Variants in FAT3 observed in about 807,000 individuals in gnomAD.
The protein encoded by FAT3 is protocadherin Fat 3.
Under a neutral mutation model 310.2 loss-of-function variants are expected in FAT3, and 95 were observed. That is an observed-to-expected ratio of 0.31 (90% confidence interval 0.26 to 0.36). FAT3 has a LOEUF of 0.36. Among genes scored for constraint, FAT3 ranks in the 10% least tolerant of loss-of-function variants. The pLI, the probability that FAT3 is intolerant of heterozygous loss-of-function variation, is 1.00. For synonymous variants in FAT3, 2,314 were observed against 2,192.9 expected (o/e 1.06, Z -1.54); for missense variants, 5,408 against 5,715.6 (o/e 0.95, Z 1.74).
At chr11:92,293,857 GT>G (rs1946776292) in intron 1 of FAT3, among the ~76,000 whole-genome samples, 1 of 151,954 alleles carries the variant, frequency 6.6e-6, no homozygotes, top group African/African-American at 2.4e-5. Context: ...GAGAAAGGAA[GT>G]TTTATGTTAC....
At chr11:92,535,465 C>T (rs1445214581) in intron 3 of FAT3, among the ~76,000 whole-genome samples, 1 of 150,886 alleles carries the variant, frequency 6.6e-6, no homozygotes, top group Admixed American at 6.7e-5. Flanking sequence ...AGGAAGCTAA[C>T]ATGAGTGCAA....
intron 1 of FAT3, among the ~76,000 whole-genome samples, chr11:92,338,168 G>A (rs1948142809): frequency 6.6e-6 from 1 of 152,148 alleles, no homozygotes; most frequent in African/African-American, 2.4e-5. Context: ...AACATCTGCT[G>A]TGGATGCTCA....
chr11:92,264,670 T>C (rs1945882518), intron 1 of FAT3, among the ~76,000 whole-genome samples: 2 of 152,186 alleles, frequency 1.3e-5, no homozygotes, highest in Admixed American at 6.5e-5. Flanking sequence ...CTTTATGTTT[T>C]CTGACTTCGT....
intron 2 of FAT3, among the ~76,000 whole-genome samples, chr11:92,451,843 G>A (rs1951360349): frequency 6.6e-6 from 1 of 152,146 alleles, no homozygotes; most frequent in African/African-American, 2.4e-5. Flanking sequence ...TAATAATTGT[G>A]TTTGTGCATT....
At position 92,229,509 on chromosome 11, in the gene FAT3, T is replaced by TTTTTTTTTTTTTTTTTTTTTTC. The variant is rs1864075465; in HGVS notation, c.-18+4339_-18+4340insTTTTTTTTTTTTTTTTTCTTTT. On this transcript the variant is annotated intron_variant, in intron 1 of 27. Transcript: ENST00000525166. ...TTTTTCGTGTTTTTTTTTTTTTTGT[T>TTTTTTTTTTTTTTTTTTTTTTC]TTTTGTTTTTTTTTACATTGCCTCC... Among the ~76,000 whole-genome samples the TTTTTTTTTTTTTTTTTTTTTTC allele has an allele frequency of 2.0e-5, 2 of 99,440 alleles. 1 individual carries two copies. The highest frequency in any genetic ancestry group is 4.2e-5 in the Non-Finnish European group (2 of 47,494). 65.2% of individuals were successfully genotyped at this position (99,440 alleles called of 152,430 possible).
chr11:92,852,491 A>G (rs1453604346), intron 19 of FAT3, among the ~76,000 whole-genome samples: 2 of 152,146 alleles, frequency 1.3e-5, no homozygotes, highest in African/African-American at 4.8e-5. Flanking sequence ...GAGCATTTCC[A>G]GGCTGGAACT....
chr11:92,616,555 C>T (rs1442200619), intron 3 of FAT3, among the ~76,000 whole-genome samples: 1 of 152,164 alleles, frequency 6.6e-6, no homozygotes, highest in Admixed American at 6.5e-5. Context: ...TTAGTTGATG[C>T]AGTTTCTTCC....
intron 3 of FAT3, among the ~76,000 whole-genome samples, chr11:92,545,359 A>AT (rs1184745501): frequency 6.6e-6 from 1 of 151,708 alleles, no homozygotes; most frequent in Non-Finnish European, 1.5e-5. Flanking sequence ...TTGATCTTTT[A>AT]TTTTTTCACA....
chr11:92,536,826 A>G (rs1196288554), intron 3 of FAT3, among the ~76,000 whole-genome samples: 3 of 152,132 alleles, frequency 2.0e-5, no homozygotes, highest in South Asian at 2.1e-4. Flanking sequence ...CCCTCTCTCA[A>G]ACTCCTAGAA....
chr11:92,875,906 A>G (rs977699267), intron 22 of FAT3, among the ~76,000 whole-genome samples: 4 of 152,190 alleles, frequency 2.6e-5, no homozygotes, highest in Non-Finnish European at 5.9e-5. Flanking sequence ...CTTATTTTAA[A>G]TTCTGATTTT....
At chr11:92,787,590 T>C (rs763544817) in intron 7 of FAT3, among the ~76,000 whole-genome samples, 1 of 151,692 alleles carries the variant, frequency 6.6e-6, no homozygotes, top group Non-Finnish European at 1.5e-5. Context: ...TAGCACCTGA[T>C]AGAAAGTAGA....
chr11:92,882,623 G>A, intron 23 of FAT3, 115 bp from the exon 24 acceptor site: 8 of 556,438 alleles, frequency 1.4e-5, no homozygotes, highest in Non-Finnish European at 2.2e-5. Context: ...TGCTTCATCT[G>A]TACCCTTTAG....
At position 92,520,145 on chromosome 11, in the gene FAT3, T is replaced by G. The variant is rs116552647; in HGVS notation, c.3293-4489T>G. On this transcript the variant is annotated intron_variant, in intron 2 of 27. Transcript: ENST00000525166. ...ATGCTGTACCGACACAATGGAATAT[T>G]ACTAAGAAATGAAAAGGAATTAACT... Among the ~76,000 whole-genome samples the G allele has an allele frequency of 6.0e-3, 908 of 152,092 alleles. 7 individuals carry two copies. Among genetic ancestry groups the G allele is most frequent in the African/African-American group, 0.021 (880 of 41,548 alleles).
At chr11:92,852,315 C>G (rs1948853241) in intron 19 of FAT3, among the ~76,000 whole-genome samples, 1 of 152,236 alleles carries the variant, frequency 6.6e-6, no homozygotes, top group Non-Finnish European at 1.5e-5. Flanking sequence ...TAGGCATACA[C>G]TGCAGTTTGC....
intron 4 of FAT3, among the ~76,000 whole-genome samples, chr11:92,753,327 TAAG>T (rs1195720833): frequency 2.6e-5 from 4 of 152,176 alleles, no homozygotes; most frequent in Middle Eastern, 3.4e-3. Context: ...AGGCTCCAAA[TAAG>T]AACCGCCCCC....
At chr11:92,623,144 A>G (rs1236897053) in intron 3 of FAT3, among the ~76,000 whole-genome samples, 2 of 152,182 alleles carry the variant, frequency 1.3e-5, no homozygotes, top group East Asian at 1.9e-4. Context: ...AACACTTTCT[A>G]TCATGCTGAC....
intron 3 of FAT3, among the ~76,000 whole-genome samples, chr11:92,537,955 A>G (rs642028): frequency 0.41 from 61,574 of 151,824 alleles, 12,923 homozygotes; most frequent in Middle Eastern, 0.54. Flanking sequence ...AAAGATATTT[A>G]TCTTTATAAG....
intron 3 of FAT3, among the ~76,000 whole-genome samples, chr11:92,586,701 A>G (rs2135548444): frequency 6.6e-6 from 1 of 152,146 alleles, no homozygotes; most frequent in Admixed American, 6.6e-5. Flanking sequence ...AACTCTACTA[A>G]TCATGATTAA....
At chr11:92,597,842 A>G (rs1225396304) in intron 3 of FAT3, among the ~76,000 whole-genome samples, 1 of 152,212 alleles carries the variant, frequency 6.6e-6, no homozygotes, top group Non-Finnish European at 1.5e-5. Flanking sequence ...ATGGGAATAC[A>G]AAAGTTCTCA....
Sources: gnomAD v4.1 joint callset for allele counts (sites outside exome capture counted in the v4.1 genomes callset) on GRCh38, gnomAD v4.1.1 for gene constraint, MANE v1.5 for transcripts, NCBI Gene and HGNC (gene_info 2026-07-23, HGNC 2026-07-21) for gene names.